Variants in MIPEP observed in about 807,000 individuals in gnomAD.
MIPEP encodes mitochondrial intermediate peptidase.
MIPEP carries 79 observed loss-of-function variants against 90.3 expected under a neutral mutation model. The ratio of observed to expected loss-of-function variants is 0.87; its 90% CI spans 0.73 to 1.05. MIPEP has a LOEUF of 1.05. MIPEP is among the 50% of genes least tolerant of loss of function. The probability of loss-of-function intolerance (pLI) is 0.00; values close to 1 mark genes in which losing one functional copy is unlikely to be tolerated. For missense variants in MIPEP, 940 were observed against 905.6 expected (o/e 1.04, Z -0.49); for synonymous variants, 334 against 315.8 (o/e 1.06, Z -0.61).
intron 18 of MIPEP, among the ~76,000 whole-genome samples, chr13:23,742,362 A>T (rs1272117265): frequency 6.6e-6 from 1 of 152,224 alleles, no homozygotes; most frequent in Admixed American, 6.5e-5. Flanking sequence ...CTGGGTAAGG[A>T]CCTCAGACTA....
chr13:23,837,386 T>C (rs1436804855), intron 13 of MIPEP, among the ~76,000 whole-genome samples, 166 bp downstream of exon 13: 1 of 152,100 alleles, frequency 6.6e-6, no homozygotes, highest in Admixed American at 6.5e-5. Flanking sequence ...GCATGGAAGA[T>C]CAGGCTGCAC....
At chr13:23,820,526 AAAAG>A (rs1171422371) in intron 14 of MIPEP, among the ~76,000 whole-genome samples, 38 of 152,264 alleles carry the variant, frequency 2.5e-4, no homozygotes, top group African/African-American at 9.2e-4. Flanking sequence ...TTTCACTAAT[AAAAG>A]AAAGAATTCT....
intron 17 of MIPEP, 74 bp downstream of exon 17, chr13:23,760,022 C>T: frequency 6.3e-7 from 1 of 1,594,076 alleles, no homozygotes; most frequent in Non-Finnish European, 8.6e-7. Context: ...GTTCTCGAGC[C>T]CGACTTCCAG....
rs545461628 is a variant in MIPEP at position 23,745,000 on chromosome 13, A to C, written c.2044+11545T>G. Among the ~76,000 whole-genome samples, 26 of 152,356 alleles carry C rather than the reference A, an allele frequency of 1.7e-4. 1 individual carries two copies. Among genetic ancestry groups the C allele is most frequent in the African/African-American group, 5.5e-4 (23 of 41,592 alleles). On this transcript the variant is annotated intron_variant, in intron 18 of 18. Coordinates refer to ENST00000382172, the MANE Select transcript of MIPEP (RefSeq NM_005932.4). The stretch of plus-strand genomic sequence containing the variant: ...TTTATTTAAACTGCTAGAAAGGGAA[A>C]TTTAAGTACAGGTTGGCCTTCCTCC...
chr13:23,749,472 A>G (rs1417644727), intron 18 of MIPEP, among the ~76,000 whole-genome samples: 1 of 152,226 alleles, frequency 6.6e-6, no homozygotes, highest in African/African-American at 2.4e-5. Flanking sequence ...TCATCCTGTC[A>G]GTCAGAGCTG....
At chr13:23,808,383 G>A (rs1953136213) in intron 15 of MIPEP, among the ~76,000 whole-genome samples, 1 of 152,124 alleles carries the variant, frequency 6.6e-6, no homozygotes, top group Non-Finnish European at 1.5e-5. Context: ...ATAAGTGTGA[G>A]CCACCGCATC....
chr13:23,845,855 A>C (rs1002073854), intron 10 of MIPEP, among the ~76,000 whole-genome samples: 1 of 148,280 alleles, frequency 6.7e-6, no homozygotes, highest in African/African-American at 2.5e-5. Flanking sequence ...CTTTCTAATA[A>C]TTTGATATAT....
intron 6 of MIPEP, 101 bp from the exon 7 acceptor site, chr13:23,869,549 A>C: frequency 9.1e-7 from 1 of 1,094,402 alleles, no homozygotes; most frequent in Non-Finnish European, 1.3e-6. Context: ...GCAGATGATC[A>C]CTGCTTTCAA....
chr13:23,806,693 C>A (rs1321457393), intron 15 of MIPEP, among the ~76,000 whole-genome samples: 4 of 149,766 alleles, frequency 2.7e-5, no homozygotes, highest in South Asian at 4.3e-4. Context: ...AAACAAAAAA[C>A]AACAACAACA....
chr13:23,839,492 T>C (rs1009499458), intron 12 of MIPEP, among the ~76,000 whole-genome samples, 157 bp downstream of exon 12: 1 of 152,252 alleles, frequency 6.6e-6, no homozygotes, highest in Non-Finnish European at 1.5e-5. Context: ...AACTTTTTAA[T>C]TTTAAAATTC....
intron 1 of MIPEP, among the ~76,000 whole-genome samples, chr13:23,888,426 C>T (rs1317068924): frequency 6.6e-6 from 1 of 152,006 alleles, no homozygotes; most frequent in Non-Finnish European, 1.5e-5. Flanking sequence ...TAACCTAAAA[C>T]GGACAAAATG....
chr13:23,832,015 G>GT (rs1198308334), intron 14 of MIPEP, among the ~76,000 whole-genome samples: 2 of 152,112 alleles, frequency 1.3e-5, no homozygotes, highest in East Asian at 3.9e-4. Flanking sequence ...TATAGCTTGA[G>GT]TATCTGTCCC....
At chr13:23,755,038 C>T (rs1565982542) in intron 18 of MIPEP, among the ~76,000 whole-genome samples, 2 of 152,128 alleles carry the variant, frequency 1.3e-5, no homozygotes, top group Admixed American at 6.5e-5. Flanking sequence ...GTCTATAAAA[C>T]GGGGATCATA....
chr13:23,842,935 T>C (rs1869364450), intron 10 of MIPEP, among the ~76,000 whole-genome samples: 1 of 151,604 alleles, frequency 6.6e-6, no homozygotes, highest in African/African-American at 2.4e-5. Flanking sequence ...CCGTCTCTAC[T>C]AAAAGTACAA....
intron 5 of MIPEP, among the ~76,000 whole-genome samples, chr13:23,872,279 T>C (rs1028369359): frequency 6.6e-6 from 1 of 152,154 alleles, no homozygotes; most frequent in Admixed American, 6.5e-5. Flanking sequence ...CTGACCAACA[T>C]GGAGAAACCC....
In MIPEP at chr13:23,760,160, G is replaced by C. The variant is rs778437046; in HGVS notation, c.1906C>G (p.Leu636Val). The change falls in exon 17 of 19, where the codon CTC (leucine) becomes GTC (valine). Residue 636 changes from leucine to valine, a missense_variant. Leu to Val is a conservative substitution (Grantham distance 32, BLOSUM62 1). Transcript: ENST00000382172. ...VGYGARYYSY[L>V]MSRAVASMVW... ...ATGGAGGCGACCGCTCTGGACATGA[G>C]GTAAGAGTAATATCTAGCACCATAC... is the stretch of plus-strand genomic sequence containing the variant. The C allele has an allele frequency of 7.4e-6, 12 of 1,614,140 alleles. No individual in the cohort carries two copies. The Middle Eastern group carries it at 4.9e-4, about 67-fold the overall frequency.
chr13:23,809,382 G>C lies in MIPEP; in HGVS notation c.1728+468C>G, dbSNP rs553919593. Among the ~76,000 whole-genome samples the C allele has an allele frequency of 8.1e-5, 12 of 148,974 alleles. No homozygotes were observed. In the Middle Eastern group the frequency reaches 0.01, roughly 130 times the overall value. On this transcript the variant is annotated intron_variant, in intron 15 of 18. Transcript: ENST00000382172. ...TTTTTTTGAGACAGAGTCTCACTCT[G>C]TTGCCCAGGCTGGAGTCAGTGGCAA...
At chr13:23,874,182 G>A (rs913898299) in intron 5 of MIPEP, among the ~76,000 whole-genome samples, 1 of 152,202 alleles carries the variant, frequency 6.6e-6, no homozygotes, top group Non-Finnish European at 1.5e-5. Flanking sequence ...AGACTGTGGG[G>A]CAGGCTGAAC....
intron 14 of MIPEP, among the ~76,000 whole-genome samples, chr13:23,824,025 C>T (rs1482972095): frequency 3.3e-5 from 5 of 152,118 alleles, no homozygotes; most frequent in East Asian, 1.9e-4. Flanking sequence ...GTTGACCACG[C>T]ATAGGAACAA....
Sources: gnomAD v4.1 joint callset for allele counts (sites outside exome capture counted in the v4.1 genomes callset) on GRCh38, gnomAD v4.1.1 for gene constraint, MANE v1.5 for transcripts, NCBI Gene and HGNC (gene_info 2026-07-23, HGNC 2026-07-21) for gene names.